The following TNS3 variants were observed in gnomAD, a reference collection of about 807,000 sequenced individuals.
The protein encoded by TNS3 is tensin 3, also known as tensin-3.
TNS3 carries 45 observed loss-of-function variants against 140.9 expected under a neutral mutation model. That is an observed-to-expected ratio of 0.32 (90% CI 0.25 to 0.41). The LOEUF (loss-of-function observed/expected upper bound fraction) is 0.41. Ranked by LOEUF, TNS3 falls within the 10% of genes least tolerant of loss-of-function variation. The pLI, the probability that TNS3 is intolerant of heterozygous loss-of-function variation, is 1.00. For missense variants in TNS3, 1,716 were observed against 1,906.7 expected (o/e 0.90, Z 1.86); for synonymous variants, 815 against 788.4 (o/e 1.03, Z -0.56).
At chr7:47,392,633 C>A (rs571093703) in intron 16 of TNS3, among the ~76,000 whole-genome samples, 4 of 152,190 alleles carry the variant, frequency 2.6e-5, no homozygotes, top group Non-Finnish European at 5.9e-5. Context: ...GGTGGGAATG[C>A]GGCTGGGACT....
chr7:47,447,286 G>GTTTT (rs1291427948), intron 4 of TNS3, among the ~76,000 whole-genome samples: 2 of 142,400 alleles, frequency 1.4e-5, no homozygotes, highest in African/African-American at 5.0e-5. Flanking sequence ...TTGTTTGTTT[G>GTTTT]TTTTTGAGAT....
chr7:47,435,282 C>T lies in TNS3; in HGVS notation c.324G>A (p.Arg108=). ...NLQHVVVIHC[R]GGKGRIGVVI... The stretch of plus-strand genomic sequence containing the variant: ...CAAATGTGAGAGGGGGCGCACTCAC[C>T]CTGCAGTGAATGACGACCACATGCT... Residue 108 remains arginine, a splice_region_variant and synonymous_variant, in exon 8 of 31, where the codon AGG becomes AGA. Transcript: ENST00000311160. 6.2e-7 allele frequency: 1 copy of T among 1,613,968 alleles called. No individual in the cohort carries two copies. The highest frequency in any genetic ancestry group is 1.1e-5 in the South Asian group (1 of 91,064).
At chr7:47,283,936 C>T (rs1313718147) in intron 27 of TNS3, 71 bp from the exon 28 acceptor site, 3 of 1,398,582 alleles carry the variant, frequency 2.1e-6, no homozygotes, top group Non-Finnish European at 2.8e-6. Context: ...AACACACAGG[C>T]AGTTGCTGAT....
intron 8 of TNS3, among the ~76,000 whole-genome samples, chr7:47,428,872 A>G (rs1315383617): frequency 6.6e-6 from 1 of 152,170 alleles, no homozygotes; most frequent in Non-Finnish European, 1.5e-5. Flanking sequence ...GCCCACCCTC[A>G]TTACACATAA....
In TNS3 at chr7:47,354,376, T is replaced by G. The variant is rs551288772; in HGVS notation, c.2282-8020A>C. ...CACCCCCAGCTCCCCAACGTACCCC[T>G]TCTCAGAAAAACCAAGGAGAAAGGG... On this transcript the variant is annotated intron_variant, in intron 17 of 30. Coordinates refer to ENST00000311160, the MANE Select transcript of TNS3 (RefSeq NM_022748.12). Among the ~76,000 whole-genome samples, 25 of 139,362 alleles carry G rather than the reference T, an allele frequency of 1.8e-4. 1 individual carries two copies. The highest frequency in any genetic ancestry group is 1.2e-3 in the Admixed American group (17 of 14,110). The allele number at this position is 139,362 out of a possible 152,430, so 91.4% of individuals were successfully genotyped here. A position where few individuals can be genotyped will look rare whatever the true frequency, so the allele number is the denominator to read the frequency against.
chr7:47,475,252 G>A (rs1797144280), intron 4 of TNS3, among the ~76,000 whole-genome samples: 1 of 152,250 alleles, frequency 6.6e-6, no homozygotes, highest in Non-Finnish European at 1.5e-5. Flanking sequence ...GAGGGAACTA[G>A]CCCACTGGCC....
chr7:47,320,626 C>A (rs1056007305), intron 20 of TNS3, among the ~76,000 whole-genome samples: 1 of 152,202 alleles, frequency 6.6e-6, no homozygotes, highest in Non-Finnish European at 1.5e-5. Context: ...GTGTCCTGAT[C>A]GCCCCCTTCT....
At chr7:47,398,124 C>T (rs921895819) in intron 15 of TNS3, among the ~76,000 whole-genome samples, 9 of 152,080 alleles carry the variant, frequency 5.9e-5, no homozygotes, top group African/African-American at 2.2e-4. Context: ...GAAATAGAAA[C>T]CCTGAACAGA....
At chr7:47,460,512 C>T (rs1796446122) in intron 4 of TNS3, among the ~76,000 whole-genome samples, 1 of 152,224 alleles carries the variant, frequency 6.6e-6, no homozygotes, top group Non-Finnish European at 1.5e-5. Context: ...AATGCTGCTG[C>T]CAGGAGCAAC....
At chr7:47,308,981 C>G (rs570979687) in intron 20 of TNS3, among the ~76,000 whole-genome samples, 2 of 152,322 alleles carry the variant, frequency 1.3e-5, no homozygotes, top group African/African-American at 4.8e-5. Flanking sequence ...TCATTGTGGT[C>G]CCCTGGAGTT....
intron 1 of TNS3, among the ~76,000 whole-genome samples, chr7:47,540,593 T>C (rs908964921): frequency 6.6e-6 from 1 of 152,088 alleles, no homozygotes; most frequent in African/African-American, 2.4e-5. Context: ...ATACAGCGGC[T>C]GGCTCACCCC....
intron 1 of TNS3, among the ~76,000 whole-genome samples, chr7:47,564,667 A>AAAAAAAAAT: frequency 6.7e-6 from 1 of 149,674 alleles, no homozygotes; most frequent in Non-Finnish European, 1.5e-5. Flanking sequence ...AAACAAAAAA[A>AAAAAAAAAT]GACTGCAACC....
intron 3 of TNS3, among the ~76,000 whole-genome samples, chr7:47,500,729 A>G (rs1461201644): frequency 8.5e-5 from 13 of 152,212 alleles, no homozygotes; most frequent in Admixed American, 8.5e-4. Context: ...ATGAACTCAC[A>G]AACAACAAAA....
intron 17 of TNS3, among the ~76,000 whole-genome samples, chr7:47,357,998 G>A (rs559889263): frequency 6.6e-6 from 1 of 152,220 alleles, no homozygotes; most frequent in East Asian, 1.9e-4. Context: ...GGGGACCCCC[G>A]CCTGCCTCAC....
At chr7:47,284,356 A>C (rs1322358346) in intron 27 of TNS3, among the ~76,000 whole-genome samples, 1 of 152,184 alleles carries the variant, frequency 6.6e-6, no homozygotes, top group Non-Finnish European at 1.5e-5. Flanking sequence ...AAGAGAAGGA[A>C]TGGCTTGCAG....
At chr7:47,501,656 G>A (rs989435951) in intron 3 of TNS3, among the ~76,000 whole-genome samples, 4 of 152,284 alleles carry the variant, frequency 2.6e-5, no homozygotes, top group African/African-American at 4.8e-5. Flanking sequence ...CCTTGTGCAC[G>A]GGTGAGAAGG....
At chr7:47,566,512 G>C (rs1429589983) in intron 1 of TNS3, among the ~76,000 whole-genome samples, 1 of 152,190 alleles carries the variant, frequency 6.6e-6, no homozygotes, top group Non-Finnish European at 1.5e-5. Flanking sequence ...CCAAGCAAAA[G>C]GGATTGCTAA....
chr7:47,381,958 A>G (rs529833122), intron 16 of TNS3, among the ~76,000 whole-genome samples: 2 of 152,356 alleles, frequency 1.3e-5, no homozygotes, highest in South Asian at 4.1e-4. Context: ...AGAGATTAGA[A>G]GTAGTGAATA....
At position 47,303,298 on chromosome 7, in the gene TNS3, G is replaced by T; in HGVS notation, c.3109C>A (p.Leu1037Met). The change falls in exon 22 of 31, where the codon CTG becomes ATG. Residue 1037 changes from leucine to methionine, a missense_variant. Leu to Met is a conservative substitution (Grantham distance 15). Around this residue, in one of 3 missense-constraint regions of TNS3, gnomAD observed 1,163 missense variants for 1,182.1 expected, o/e 0.98. Transcript: ENST00000311160. ...TGAGAATTGGCCAGCAAGGCCCCCA[G>T]GTCCTCCTCGGGCGGAAGGCCACTT... ...VGSGLPPEED[L>M]GALLANSHGA... The T allele has an allele frequency of 1.9e-6, 3 of 1,613,568 alleles. No individual in the cohort carries two copies. Among genetic ancestry groups the T allele is most frequent in the Non-Finnish European group, 2.5e-6 (3 of 1,179,866 alleles).
Sources: allele counts gnomAD v4.1 joint callset (sites outside exome capture counted in the v4.1 genomes callset), GRCh38; gene constraint gnomAD v4.1.1; regional missense constraint gnomAD v4.1.1; transcripts MANE v1.5; gene names NCBI Gene and HGNC (gene_info 2026-07-23, HGNC 2026-07-21).